Variants in XKR6 observed in about 807,000 individuals in gnomAD.
XKR6 encodes XK-related protein 6.
Under a neutral mutation model 56.7 loss-of-function variants are expected in XKR6, and 22 were observed. That is an observed-to-expected ratio of 0.39 (90% CI 0.28 to 0.55). The LOEUF (loss-of-function observed/expected upper bound fraction) is 0.55, where lower values mean the gene tolerates loss of function less well. Ranked by LOEUF, XKR6 falls within the 20% of genes least tolerant of loss-of-function variation. The pLI, the probability that XKR6 is intolerant of heterozygous loss-of-function variation, is 0.66. For missense variants in XKR6, 852 were observed against 889.0 expected (o/e 0.96, Z 0.53); for synonymous variants, 524 against 387.8 (o/e 1.35, Z -4.13).
intron 2 of XKR6, among the ~76,000 whole-genome samples, chr8:10,905,086 C>T (rs1408985605): frequency 1.3e-5 from 2 of 152,122 alleles, no homozygotes; most frequent in Non-Finnish European, 2.9e-5. Context: ...TTCCCATCAG[C>T]GGGTAGCCAG....
intron 2 of XKR6, among the ~76,000 whole-genome samples, chr8:10,908,328 G>T (rs1005701433): frequency 6.6e-6 from 1 of 151,898 alleles, no homozygotes; most frequent in Admixed American, 6.6e-5. Flanking sequence ...AGTCACCCCA[G>T]GTAAAAGCTA....
intron 2 of XKR6, among the ~76,000 whole-genome samples, chr8:10,899,243 G>T (rs1327270068): frequency 6.6e-6 from 1 of 152,214 alleles, no homozygotes. Flanking sequence ...CCGCCTTAAG[G>T]AATCATGCGA....
chr8:10,947,457 T>C (rs1469707433), intron 1 of XKR6, among the ~76,000 whole-genome samples: 1 of 151,998 alleles, frequency 6.6e-6, no homozygotes, highest in Non-Finnish European at 1.5e-5. Context: ...GGGGTCACCC[T>C]GGGGGATCGA....
intron 1 of XKR6, among the ~76,000 whole-genome samples, chr8:11,197,913 A>C (rs1353901713): frequency 6.6e-6 from 1 of 152,250 alleles, no homozygotes; most frequent in African/African-American, 2.4e-5. Flanking sequence ...ACATTAAAAA[A>C]TGTAAAGAGA....
chr8:11,137,312 C>G, intron 1 of XKR6: 1 of 295,340 alleles, frequency 3.4e-6, no homozygotes, highest in Non-Finnish European at 6.6e-6. Context: ...GAAACCAATA[C>G]ATATCAGAGC....
In XKR6 at chr8:11,119,921, C is replaced by T. The variant is rs566407969; in HGVS notation, c.764+80655G>A. ...AACGTAATCCAGCATATAAACAGAA[C>T]CAAAGACAAAAACCACATGATTATC... On this transcript the variant is annotated intron_variant, in intron 1 of 2. Transcript: ENST00000416569. 4.0e-3 allele frequency among the ~76,000 whole-genome samples: 609 copies of T among 152,170 alleles called. 4 individuals carry two copies. The highest frequency in any genetic ancestry group is 0.014 in the African/African-American group (562 of 41,486).
intron 1 of XKR6, among the ~76,000 whole-genome samples, chr8:11,195,652 C>CTT (rs767554251): frequency 3.2e-4 from 46 of 142,760 alleles, no homozygotes; most frequent in Admixed American, 7.0e-4. Context: ...CACTGAGTTT[C>CTT]TTTTTTTTTT....
chr8:10,997,809 C>A (rs561342677), intron 1 of XKR6, among the ~76,000 whole-genome samples: 1 of 152,146 alleles, frequency 6.6e-6, no homozygotes, highest in African/African-American at 2.4e-5. Flanking sequence ...AGAGACTCCA[C>A]GTTCACAAGC....
chr8:11,082,662 A>G (rs1265613210), intron 1 of XKR6, among the ~76,000 whole-genome samples: 1 of 152,238 alleles, frequency 6.6e-6, no homozygotes, highest in African/African-American at 2.4e-5. Flanking sequence ...CTGTCCCAAC[A>G]GCAGTCCCCA....
At chr8:11,122,181 T>G (rs1312774761) in intron 1 of XKR6, among the ~76,000 whole-genome samples, 1 of 152,254 alleles carries the variant, frequency 6.6e-6, no homozygotes, top group African/African-American at 2.4e-5. Flanking sequence ...CCAGCTCCTT[T>G]GAAAATACGG....
chr8:11,138,628 C>A (rs182921742), intron 1 of XKR6: 1 of 152,174 alleles, frequency 6.6e-6, no homozygotes, highest in Non-Finnish European at 1.5e-5. Flanking sequence ...CCTTCCTCAA[C>A]TCCATGCAAC....
At chr8:10,953,770 T>A (rs1422983596) in intron 1 of XKR6, among the ~76,000 whole-genome samples, 1 of 152,222 alleles carries the variant, frequency 6.6e-6, no homozygotes, top group African/African-American at 2.4e-5. Flanking sequence ...CCAGAACATT[T>A]GCATTACCCC....
chr8:11,091,969 T>A (rs548833088), intron 1 of XKR6, among the ~76,000 whole-genome samples: 9 of 152,346 alleles, frequency 5.9e-5, no homozygotes, highest in Admixed American at 5.2e-4. Context: ...CAATCTCTTA[T>A]GCAAAAACCC....
chr8:11,160,925 A>AAG (rs1437586620), intron 1 of XKR6, among the ~76,000 whole-genome samples: 10 of 151,284 alleles, frequency 6.6e-5, no homozygotes, highest in African/African-American at 1.5e-4. Flanking sequence ...AAAAAAAAAA[A>AAG]AAAAAAGAAA....
At chr8:11,087,879 T>A (rs762496930) in intron 1 of XKR6, among the ~76,000 whole-genome samples, 4 of 152,224 alleles carry the variant, frequency 2.6e-5, no homozygotes, top group African/African-American at 4.8e-5. Context: ...GAGATTTCTG[T>A]CCTTTAAAGG....
In XKR6 at chr8:11,050,532, G is replaced by A. The variant is rs371236813; in HGVS notation, c.765-125702C>T. Among the ~76,000 whole-genome samples, 18 of 144,054 alleles carry A rather than the reference G, an allele frequency of 1.2e-4. No individual in the cohort carries two copies. The East Asian group carries it at 3.6e-3, about 29-fold the overall frequency. The allele number at this position is 144,054 out of a possible 152,430, so 94.5% of individuals were successfully genotyped here. ...TCCAAGGGACAGAAAAGGGAGAAAA[G>A]AGAGGGAAACAGAAGAGAGAAAGAG... On this transcript the variant is annotated intron_variant, in intron 1 of 2. Transcript: ENST00000416569.
chr8:10,957,514 G>A (rs1374979730), intron 1 of XKR6, among the ~76,000 whole-genome samples: 1 of 152,164 alleles, frequency 6.6e-6, no homozygotes, highest in Admixed American at 6.5e-5. Flanking sequence ...GCAGTGACTG[G>A]GGATGATACA....
chr8:11,040,726 C>T (rs1799265037), intron 1 of XKR6, among the ~76,000 whole-genome samples: 1 of 152,186 alleles, frequency 6.6e-6, no homozygotes, highest in Non-Finnish European at 1.5e-5. Context: ...CTGGGCTGCA[C>T]CTTCACGACT....
At chr8:10,988,106 C>G (rs545866918) in intron 1 of XKR6, among the ~76,000 whole-genome samples, 5 of 152,338 alleles carry the variant, frequency 3.3e-5, no homozygotes, top group Non-Finnish European at 7.4e-5. Flanking sequence ...TTCACCCTCC[C>G]CTTCAACCAC....
Sources: allele counts gnomAD v4.1 joint callset (sites outside exome capture counted in the v4.1 genomes callset), GRCh38; gene constraint gnomAD v4.1.1; transcripts MANE v1.5; gene names NCBI Gene and HGNC (gene_info 2026-07-23, HGNC 2026-07-21).